The following NRXN1 variants were observed in gnomAD, a reference collection of about 807,000 sequenced individuals.
The protein encoded by NRXN1 is neurexin-1.
NRXN1 carries 39 observed loss-of-function variants against 150.9 expected under a neutral mutation model. The ratio of observed to expected loss-of-function variants is 0.26; its 90% CI spans 0.20 to 0.34. The LOEUF (loss-of-function observed/expected upper bound fraction) is 0.34, where lower values mean the gene tolerates loss of function less well. Among genes scored for constraint, NRXN1 ranks in the 10% least tolerant of loss-of-function variants. The pLI is 1.00. For synonymous variants in NRXN1, 924 were observed against 757.0 expected (o/e 1.22, Z -3.62); for missense variants, 1,815 against 1,949.9 (o/e 0.93, Z 1.30).
chr2:50,809,908 C>T (rs1164183608), intron 5 of NRXN1, among the ~76,000 whole-genome samples: 1 of 152,152 alleles, frequency 6.6e-6, no homozygotes, highest in Non-Finnish European at 1.5e-5. Flanking sequence ...GCATACCTGT[C>T]AATTTTCTAT....
intron 5 of NRXN1, among the ~76,000 whole-genome samples, chr2:50,714,600 A>G (rs2105070477): frequency 1.3e-5 from 2 of 152,322 alleles, no homozygotes; most frequent in South Asian, 4.1e-4. Flanking sequence ...ACCAAGTACA[A>G]TGAACAAAAG....
intron 17 of NRXN1, among the ~76,000 whole-genome samples, chr2:50,378,852 G>A (rs2080723127): frequency 6.6e-6 from 1 of 152,116 alleles, no homozygotes; most frequent in East Asian, 1.9e-4. Context: ...ACTAAGTTAT[G>A]TTCAGATAAA....
In NRXN1 at chr2:50,320,287, T is replaced by C. The variant is rs1489741749; in HGVS notation, c.3365-83317A>G. Among the ~76,000 whole-genome samples, 596 of 70,266 alleles carry C rather than the reference T, an allele frequency of 8.5e-3. 19 individuals carry two copies. Among genetic ancestry groups the C allele is most frequent in the African/African-American group, 0.027 (375 of 13,930 alleles). The allele number at this position is 70,266 out of a possible 152,430, so 46.1% of individuals were successfully genotyped here. On this transcript the variant is annotated intron_variant, in intron 17 of 22. Coordinates refer to ENST00000401669, the MANE Select transcript of NRXN1 (RefSeq NM_001330078.2). ...CATTTATTCTTATACCTCAATCATA[T>C]ATATATATATATATATATATATATA...
chr2:49,986,661 C>T (rs899639326), intron 21 of NRXN1, among the ~76,000 whole-genome samples: 6 of 152,162 alleles, frequency 3.9e-5, no homozygotes, highest in Admixed American at 3.3e-4. Context: ...TTGATACATG[C>T]ATACAACATG....
chr2:50,478,722 T>A (rs10176959), intron 15 of NRXN1, among the ~76,000 whole-genome samples: 1 of 152,168 alleles, frequency 6.6e-6, no homozygotes, highest in Non-Finnish European at 1.5e-5. Context: ...ATCATCTCCC[T>A]TGCTGTGAAA....
intron 17 of NRXN1, among the ~76,000 whole-genome samples, chr2:50,436,735 G>T (rs79786435): frequency 0.011 from 1,639 of 152,146 alleles, 6 homozygotes; most frequent in Non-Finnish European, 0.018. Context: ...ATCATATTTT[G>T]GCTAGAAGGG....
At chr2:50,517,161 C>T (rs1366428784) in intron 12 of NRXN1, among the ~76,000 whole-genome samples, 1 of 152,068 alleles carries the variant, frequency 6.6e-6, no homozygotes, top group East Asian at 1.9e-4. Context: ...ATCTTAATAA[C>T]TCAAAACTAC....
At chr2:49,962,609 T>G (rs1676170488) in intron 21 of NRXN1, among the ~76,000 whole-genome samples, 1 of 152,090 alleles carries the variant, frequency 6.6e-6, no homozygotes, top group Non-Finnish European at 1.5e-5. Context: ...ATATTTCCCA[T>G]GCAATGATGG....
rs1418748992 is a variant in NRXN1, at chr2:50,472,405, T to C, written c.3137A>G (p.Lys1046Arg). 6.2e-7 allele frequency: 1 copy of C among 1,612,348 alleles called. No homozygotes were observed. Among genetic ancestry groups the C allele is most frequent in the South Asian group, 1.1e-5 (1 of 91,026 alleles). ...YKSLPKLVHA[K>R]EGFQGCLASV... ...TGCCAGGCAGCCTTGAAAGCCTTCTTTGGCATGTACAAGTTTTGGTAAGGA... is the reference window on the plus strand; with the variant it reads ...TGCCAGGCAGCCTTGAAAGCCTTCTCTGGCATGTACAAGTTTTGGTAAGGA... Residue 1046 changes from lysine (K) to arginine (R), a missense_variant, in exon 16 of 23, where the codon AAA becomes AGA. Physicochemically the swap from Lys to Arg is conservative, Grantham distance 26 (BLOSUM62 2). This residue lies in a region of NRXN1 where 339 missense variants were observed against 440.3 expected (regional missense o/e 0.77). Coordinates refer to ENST00000401669, the MANE Select transcript of NRXN1 (RefSeq NM_001330078.2).
At chr2:50,411,031 C>A (rs969574062) in intron 17 of NRXN1, among the ~76,000 whole-genome samples, 11 of 151,856 alleles carry the variant, frequency 7.2e-5, no homozygotes, top group Non-Finnish European at 1.0e-4. Flanking sequence ...AAATAATCTC[C>A]CTCTCCCTCT....
intron 2 of NRXN1, among the ~76,000 whole-genome samples, chr2:50,978,298 A>G (rs1464852833): frequency 1.5e-5 from 2 of 129,708 alleles, no homozygotes; most frequent in African/African-American, 5.5e-5. Context: ...ATATATATAT[A>G]TATATATAAA....
chr2:50,745,364 G>T (rs1224483189), intron 5 of NRXN1, among the ~76,000 whole-genome samples: 1 of 137,986 alleles, frequency 7.2e-6, no homozygotes, highest in Non-Finnish European at 1.5e-5. Flanking sequence ...CTGCTAATAA[G>T]TGCCTCCCCT....
At chr2:50,578,781 A>C (rs888962324) in intron 8 of NRXN1, among the ~76,000 whole-genome samples, 3 of 152,022 alleles carry the variant, frequency 2.0e-5, no homozygotes, top group Non-Finnish European at 4.4e-5. Flanking sequence ...AAAGCTTTTT[A>C]ATTTATATTC....
intron 19 of NRXN1, among the ~76,000 whole-genome samples, chr2:50,067,126 T>C (rs1254811459): frequency 6.6e-6 from 1 of 152,180 alleles, no homozygotes; most frequent in Non-Finnish European, 1.5e-5. Flanking sequence ...AATATATTCA[T>C]GTGAGACTGC....
At chr2:50,054,817 C>T (rs1693351760) in intron 20 of NRXN1, 138 bp downstream of exon 20, 1 of 564,754 alleles carries the variant, frequency 1.8e-6, no homozygotes, top group Non-Finnish European at 3.1e-6. Flanking sequence ...TTACTATCTA[C>T]ATTTTACTGT....
intron 5 of NRXN1, among the ~76,000 whole-genome samples, chr2:50,713,368 C>T (rs1053917506): frequency 1.3e-5 from 2 of 151,324 alleles, no homozygotes; most frequent in African/African-American, 4.9e-5. Flanking sequence ...CATTTGGTAA[C>T]AATCTCATTC....
At chr2:49,936,343 T>C (rs1477843679) in intron 22 of NRXN1, among the ~76,000 whole-genome samples, 1 of 152,196 alleles carries the variant, frequency 6.6e-6, no homozygotes, top group South Asian at 2.1e-4. Context: ...GCGACCTCAC[T>C]ACAAGGCAGA....
chr2:50,523,176 T>C (rs1206526870), intron 12 of NRXN1, among the ~76,000 whole-genome samples: 1 of 152,208 alleles, frequency 6.6e-6, no homozygotes, highest in Non-Finnish European at 1.5e-5. Context: ...TAATAATTTA[T>C]AAACTTTCTT....
chr2:50,874,598 ATAG>A (rs1286595240), intron 5 of NRXN1, among the ~76,000 whole-genome samples: 11 of 151,856 alleles, frequency 7.2e-5, no homozygotes, highest in Non-Finnish European at 1.6e-4. Context: ...TCCAAATGAA[ATAG>A]TAGTAATAAA....
Sources: gnomAD v4.1 joint callset for allele counts (sites outside exome capture counted in the v4.1 genomes callset) on GRCh38, gnomAD v4.1.1 for gene constraint, gnomAD v4.1.1 regional missense constraint, MANE v1.5 for transcripts, NCBI Gene and HGNC (gene_info 2026-07-23, HGNC 2026-07-21) for gene names.